TRPV3: variants seen among roughly 807,000 people sequenced by gnomAD.
TRPV3 encodes transient receptor potential cation channel subfamily V member 3.
Under a neutral mutation model 87.1 loss-of-function variants are expected in TRPV3, and 88 were observed. The ratio of observed to expected loss-of-function variants is 1.01; its 90% confidence interval spans 0.85 to 1.21. The LOEUF is 1.21. Among genes scored for constraint, TRPV3 ranks in the 50% most tolerant of loss-of-function variants. The pLI, the probability that TRPV3 is intolerant of heterozygous loss-of-function variation, is 0.00. For synonymous variants in TRPV3, 438 were observed against 423.3 expected (o/e 1.03, Z -0.43); for missense variants, 1,054 against 1,030.1 (o/e 1.02, Z -0.32).
intron 6 of TRPV3, among the ~76,000 whole-genome samples, chr17:3,536,533 A>G (rs2074410846): frequency 6.6e-6 from 1 of 152,198 alleles, no homozygotes; most frequent in South Asian, 2.1e-4. Context: ...GGTTGCAGTG[A>G]GCCGAGATTG....
chr17:3,521,853 A>G (rs2150783084), intron 13 of TRPV3, among the ~76,000 whole-genome samples: 1 of 152,278 alleles, frequency 6.6e-6, no homozygotes, highest in Non-Finnish European at 1.5e-5. Context: ...AGGTGGGTGG[A>G]TCGCCTGAGG....
At chr17:3,533,555 G>A (rs1472877499) in intron 7 of TRPV3, among the ~76,000 whole-genome samples, 1 of 148,954 alleles carries the variant, frequency 6.7e-6, no homozygotes, top group Non-Finnish European at 1.5e-5. Flanking sequence ...CTGGAGTGCA[G>A]TGGTGCGATC....
Position 3,514,826 on chromosome 17 carries a change from G to T in TRPV3, c.2199-154C>A, listed in dbSNP as rs529258710. 1.3e-3 allele frequency among the ~76,000 whole-genome samples: 28 copies of T among 21,750 alleles called. No homozygotes were observed. In the Middle Eastern group the frequency reaches 0.043, roughly 33 times the overall value. 14.3% of individuals were successfully genotyped at this position (21,750 alleles called of 152,430 possible). ...CCCTGACCCGAGGGGTCACACCAAAGTTGTTGGAGTTTGAACTCTATCCCC... is the reference window on the plus strand; with the variant it reads ...CCCTGACCCGAGGGGTCACACCAAATTTGTTGGAGTTTGAACTCTATCCCC... On this transcript the variant is annotated intron_variant, in intron 16 of 17. Transcript: ENST00000576742.
chr17:3,526,982 A>G, intron 11 of TRPV3, 55 bp from the exon 12 acceptor site: 3 of 1,405,314 alleles, frequency 2.1e-6, no homozygotes, highest in Non-Finnish European at 3.0e-6. Flanking sequence ...TCAGCAGGGG[A>G]GCTGAGCAGA....
chr17:3,517,934 T>A (rs2074199216), intron 15 of TRPV3, among the ~76,000 whole-genome samples: 1 of 151,290 alleles, frequency 6.6e-6, no homozygotes, highest in Non-Finnish European at 1.5e-5. Context: ...TCCTCCTGCC[T>A]CAGCCTCCCA....
At chr17:3,533,994 T>C (rs2074375283) in intron 7 of TRPV3, among the ~76,000 whole-genome samples, 1 of 152,082 alleles carries the variant, frequency 6.6e-6, no homozygotes, top group Non-Finnish European at 1.5e-5. Flanking sequence ...AATAAATGCT[T>C]GTTAAGAAAA....
intron 12 of TRPV3, among the ~76,000 whole-genome samples, chr17:3,525,079 G>C (rs1170362039): frequency 6.6e-6 from 1 of 152,188 alleles, no homozygotes; most frequent in Non-Finnish European, 1.5e-5. Flanking sequence ...GAGTACAGTG[G>C]CATGAACTCT....
At chr17:3,524,003 C>T (rs983745948) in intron 13 of TRPV3, among the ~76,000 whole-genome samples, 195 bp downstream of exon 13, 1 of 152,176 alleles carries the variant, frequency 6.6e-6, no homozygotes, top group African/African-American at 2.4e-5. Flanking sequence ...CCCTCCCCAG[C>T]ACCCCACAAG....
At chr17:3,527,012 A>T (rs2074306200) in intron 11 of TRPV3, 85 bp from the exon 12 acceptor site, 1 of 1,066,808 alleles carries the variant, frequency 9.4e-7, no homozygotes, top group Non-Finnish European at 1.4e-6. Flanking sequence ...CCCAGGACCA[A>T]GACTCAGTGA....
rs529945887 is a variant in TRPV3 at position 3,527,807 on chromosome 17, C to A, written c.1503+218G>T. The stretch of plus-strand genomic sequence containing the variant: ...AGTGGCTGGGAAGGTAGATAAATGG[C>A]GGATAGTTGGGCAGATGGATAGAGA... On this transcript the variant is annotated intron_variant, in intron 11 of 17. Coordinates refer to ENST00000576742, the MANE Select transcript of TRPV3 (RefSeq NM_145068.4). 1.2e-5 allele frequency: 7 copies of A among 563,208 alleles called. No individual in the cohort carries two copies. In the East Asian group the frequency reaches 1.8e-4, roughly 15 times the overall value. The allele number at this position is 563,208 out of a possible 1,614,324, so 34.9% of individuals were successfully genotyped here.
At position 3,518,906 on chromosome 17, in the gene TRPV3, A is replaced by C. The variant is rs2074208134; in HGVS notation, c.1811-56T>G. The C allele has an allele frequency of 6.4e-7, 1 of 1,555,720 alleles. No homozygotes were observed. The highest frequency in any genetic ancestry group is 1.4e-5 in the African/African-American group (1 of 73,670). ...GCTCTCTGCCTGGTAATTACTCTAC[A>C]AGCTTGCGTGTATTTGCCTACATGA... On this transcript the variant is annotated intron_variant, in intron 14 of 17. Transcript: ENST00000576742. The surrounding 1 kb of genome is among the most constrained non-coding windows in gnomAD (Gnocchi z 4.3).
intron 2 of TRPV3, among the ~76,000 whole-genome samples, chr17:3,549,183 T>C (rs896856323): frequency 6.6e-6 from 1 of 152,146 alleles, no homozygotes; most frequent in Non-Finnish European, 1.5e-5. Flanking sequence ...AGAATGTTGG[T>C]CCAGTCTGTC....
Position 3,532,717 on chromosome 17 carries a change from GGTCT to G in TRPV3, c.1001_1004del (p.Glu334AlafsTer23). On this transcript the variant is annotated frameshift_variant, in exon 8 of 18. Transcript: ENST00000576742. LOFTEE classifies it high-confidence loss of function. ...GCGTGAGGCCATCGTTGTTGCGAGT[GGTCT>G]CCAGCTCCCAGTTGCCACTCCGCAG... 2 of 1,614,258 alleles carry G rather than the reference GGTCT, an allele frequency of 1.2e-6. No homozygotes were observed. Among genetic ancestry groups the G allele is most frequent in the Non-Finnish European group, 1.7e-6 (2 of 1,180,048 alleles).
intron 5 of TRPV3, 36 bp from the exon 6 acceptor site, chr17:3,542,734 C>T (rs1316179080): frequency 1.3e-6 from 2 of 1,598,818 alleles, no homozygotes; most frequent in South Asian, 1.1e-5. Flanking sequence ...TACAGGAGGG[C>T]CCCGGCTGCC....
intron 2 of TRPV3, among the ~76,000 whole-genome samples, chr17:3,547,308 A>G (rs2074536032): frequency 6.6e-6 from 1 of 152,210 alleles, no homozygotes; most frequent in Non-Finnish European, 1.5e-5. Context: ...TGTTTGTCAC[A>G]GCAGAAAATG....
At chr17:3,546,192 A>C (rs542857867) in intron 2 of TRPV3, among the ~76,000 whole-genome samples, 2 of 152,250 alleles carry the variant, frequency 1.3e-5, no homozygotes, top group Admixed American at 6.5e-5. Context: ...CTGTAATCCC[A>C]GCACTTTGGA....
At position 3,530,830 on chromosome 17, in the gene TRPV3, T is replaced by A. The variant is rs974129836; in HGVS notation, c.1066-627A>T. On this transcript the variant is annotated intron_variant, in intron 8 of 17. Transcript: ENST00000576742. This position sits in a 1 kb window ranked among gnomAD's most constrained non-coding sequence, Gnocchi z 4.0. ...CAGCACTTTGGGAGGCCGAGGCGGG[T>A]GGATCATTTGAGGTCAGGAGTTCGA... 6.6e-6 allele frequency among the ~76,000 whole-genome samples: 1 copy of A among 151,508 alleles called. No homozygotes were observed. The highest frequency in any genetic ancestry group is 2.4e-5 in the African/African-American group (1 of 41,208).
At chr17:3,534,000 G>GA (rs1291742486) in intron 7 of TRPV3, among the ~76,000 whole-genome samples, 1 of 152,064 alleles carries the variant, frequency 6.6e-6, no homozygotes, top group Non-Finnish European at 1.5e-5. Flanking sequence ...TGCTTGTTAA[G>GA]AAAAAATAAG....
At chr17:3,524,109 A>G in intron 13 of TRPV3, 89 bp downstream of exon 13, 1 of 1,525,080 alleles carries the variant, frequency 6.6e-7, no homozygotes, top group Non-Finnish European at 8.9e-7. Context: ...CCCCTTGGTA[A>G]ACCCCTCTTC....
Sources: allele counts gnomAD v4.1 joint callset (sites outside exome capture counted in the v4.1 genomes callset), GRCh38; gene constraint gnomAD v4.1.1; non-coding constraint Gnocchi (gnomAD v3.1); transcripts MANE v1.5; gene names NCBI Gene and HGNC (gene_info 2026-07-23, HGNC 2026-07-21).